Variants in EPHA3 observed in about 807,000 individuals in gnomAD.
The protein encoded by EPHA3 is EPH receptor A3, also known as ephrin type-A receptor 3.
In EPHA3, 42 loss-of-function variants were observed where a neutral mutation model predicts 107.1. The ratio of observed to expected loss-of-function variants is 0.39; its 90% CI spans 0.31 to 0.51. The LOEUF (loss-of-function observed/expected upper bound fraction) is 0.51. EPHA3 is among the 20% of genes least tolerant of loss of function. The pLI is 0.78. For missense variants in EPHA3, 1,183 were observed against 1,211.2 expected (o/e 0.98, Z 0.35); for synonymous variants, 461 against 424.8 (o/e 1.09, Z -1.05).
intron 13 of EPHA3, among the ~76,000 whole-genome samples, chr3:89,446,444 A>T (rs1709877870): frequency 6.6e-6 from 1 of 152,198 alleles, no homozygotes; most frequent in South Asian, 2.1e-4. Flanking sequence ...AATTCTATTA[A>T]TCTCAATGCT....
chr3:89,178,234 G>T (rs1214302318), intron 2 of EPHA3, among the ~76,000 whole-genome samples: 1 of 128,134 alleles, frequency 7.8e-6, no homozygotes, highest in African/African-American at 2.6e-5. Flanking sequence ...ATAATCAAGA[G>T]ACATATGTAG....
intron 5 of EPHA3, among the ~76,000 whole-genome samples, chr3:89,347,586 C>T (rs1209746948): frequency 1.3e-5 from 2 of 149,740 alleles, no homozygotes; most frequent in African/African-American, 2.5e-5. Context: ...TTCCTCTTTT[C>T]CTAATTGAAT....
intron 5 of EPHA3, among the ~76,000 whole-genome samples, chr3:89,350,495 G>C (rs1259856340): frequency 6.6e-5 from 10 of 150,694 alleles, no homozygotes; most frequent in Non-Finnish European, 1.3e-4. Flanking sequence ...TCTCTGTATT[G>C]GTTATTCTAG....
chr3:89,266,738 G>A (rs535292086), intron 3 of EPHA3, among the ~76,000 whole-genome samples: 13 of 151,102 alleles, frequency 8.6e-5, no homozygotes, highest in South Asian at 2.1e-4. Context: ...ATTTCTGTTC[G>A]GACTGTAAAC....
chr3:89,236,398 A>G (rs564806348), intron 3 of EPHA3, among the ~76,000 whole-genome samples: 1 of 152,188 alleles, frequency 6.6e-6, no homozygotes, highest in African/African-American at 2.4e-5. Flanking sequence ...AAGATTAATA[A>G]CAAATGACAT....
intron 3 of EPHA3, among the ~76,000 whole-genome samples, chr3:89,243,009 G>T (rs1468522781): frequency 6.7e-6 from 1 of 149,012 alleles, no homozygotes; most frequent in African/African-American, 2.5e-5. Context: ...GCGGTGTTTG[G>T]TTTTCTGTCT....
intron 6 of EPHA3, among the ~76,000 whole-genome samples, chr3:89,396,335 T>C (rs544695917): frequency 5.3e-5 from 8 of 152,306 alleles, no homozygotes; most frequent in African/African-American, 1.9e-4. Context: ...TTCCTGACCT[T>C]CAAATTTACA....
rs1373276557 is a variant in EPHA3 at position 89,240,554 on chromosome 3, TAGG to T, written c.814+30038_814+30040del. Among the ~76,000 whole-genome samples, 3 of 152,194 alleles carry T rather than the reference TAGG, an allele frequency of 2.0e-5. No individual in the cohort carries two copies. In the East Asian group the frequency reaches 5.8e-4, roughly 29 times the overall value. ...TCAACTATCCAGTAAACCAGTAAAG[TAGG>T]AGGTTTTTATATCTATCACAAAACT... On this transcript the variant is annotated intron_variant, in intron 3 of 16. Transcript: ENST00000336596.
chr3:89,265,304 T>C (rs548116974), intron 3 of EPHA3, among the ~76,000 whole-genome samples: 70 of 152,286 alleles, frequency 4.6e-4, no homozygotes, highest in African/African-American at 1.6e-3. Context: ...GGGGAATCCC[T>C]GACCACATAA....
At chr3:89,431,529 G>A (rs1709569796) in intron 13 of EPHA3, among the ~76,000 whole-genome samples, 170 bp downstream of exon 13, 1 of 151,978 alleles carries the variant, frequency 6.6e-6, no homozygotes. Context: ...TAAATAGATG[G>A]TCACTGTTTA....
chr3:89,317,330 A>G (rs767126632), intron 3 of EPHA3, among the ~76,000 whole-genome samples: 2 of 151,830 alleles, frequency 1.3e-5, no homozygotes, highest in Non-Finnish European at 2.9e-5. Context: ...CAGATGCAAG[A>G]TAGATCTGGA....
intron 3 of EPHA3, among the ~76,000 whole-genome samples, chr3:89,304,528 C>G (rs1442482060): frequency 6.6e-6 from 1 of 151,944 alleles, no homozygotes; most frequent in Non-Finnish European, 1.5e-5. Context: ...GGGATTTGCC[C>G]TGGCTGTTCA....
chr3:89,321,550 C>T (rs1268978440), intron 3 of EPHA3, among the ~76,000 whole-genome samples: 1 of 152,096 alleles, frequency 6.6e-6, no homozygotes, highest in African/African-American at 2.4e-5. Context: ...TTCTCCTTCT[C>T]ATTTGCTGAT....
chr3:89,221,231 C>T lies in EPHA3; in HGVS notation c.814+10711C>T, dbSNP rs149481985. On this transcript the variant is annotated intron_variant, in intron 3 of 16. Coordinates refer to ENST00000336596, the MANE Select transcript of EPHA3 (RefSeq NM_005233.6). ...ATGCTTCTCAGGATGTTATTCAATA[C>T]TTTTCATTGTGTCCTCTCTCTGGGA... 1.9e-3 allele frequency among the ~76,000 whole-genome samples: 283 copies of T among 152,264 alleles called. 2 individuals carry two copies. The highest frequency in any genetic ancestry group is 6.6e-3 in the African/African-American group (273 of 41,558).
chr3:89,210,518 A>C lies in EPHA3; in HGVS notation c.812A>C (p.Gln271Pro). 6.5e-7 allele frequency: 1 copy of C among 1,539,972 alleles called. No homozygotes were observed. Among genetic ancestry groups the C allele is most frequent in the Non-Finnish European group, 8.7e-7 (1 of 1,148,078 alleles). The change falls in exon 3 of 17, where the codon CAA becomes CCA. Residue 271 changes from glutamine (Q) to proline (P), a missense_variant and splice_region_variant. Physicochemically the swap from Gln to Pro is moderately conservative, Grantham distance 76. Transcript: ENST00000336596. ...AGYEERGFMC[Q>P]ACRPGFYKAL... ...TATGAAGAAAGAGGTTTTATGTGCC[A>C]AGGTAAGAGCCTTCTCTATTTTTCT...
intron 2 of EPHA3, among the ~76,000 whole-genome samples, chr3:89,182,547 A>G (rs1705465080): frequency 6.6e-6 from 1 of 151,972 alleles, no homozygotes; most frequent in African/African-American, 2.4e-5. Flanking sequence ...TATGCCTTAC[A>G]TTATGTCATG....
chr3:89,258,369 G>A (rs1176135438), intron 3 of EPHA3, among the ~76,000 whole-genome samples: 1 of 152,000 alleles, frequency 6.6e-6, no homozygotes. Flanking sequence ...AGAAATTTGT[G>A]GCCTATATAC....
At chr3:89,219,854 GCCCGC>G (rs1704326426) in intron 3 of EPHA3, among the ~76,000 whole-genome samples, 1 of 145,922 alleles carries the variant, frequency 6.9e-6, no homozygotes. Flanking sequence ...GACTACAGGC[GCCCGC>G]CACTACGCCC....
intron 2 of EPHA3, among the ~76,000 whole-genome samples, chr3:89,182,922 T>C (rs1705479042): frequency 6.6e-6 from 1 of 152,074 alleles, no homozygotes; most frequent in South Asian, 2.1e-4. Flanking sequence ...ATATTTTGAA[T>C]GAAAATTATC....
Sources: gnomAD v4.1 joint callset for allele counts (sites outside exome capture counted in the v4.1 genomes callset) on GRCh38, gnomAD v4.1.1 for gene constraint, MANE v1.5 for transcripts, NCBI Gene and HGNC (gene_info 2026-07-23, HGNC 2026-07-21) for gene names.